The following ADARB2 variants were observed in gnomAD, a reference collection of about 807,000 sequenced individuals.
ADARB2 encodes adenosine deaminase RNA specific B2 (inactive).
ADARB2 carries 25 observed loss-of-function variants against 62.2 expected under a neutral mutation model. That is an observed-to-expected ratio of 0.40 (90% CI 0.29 to 0.56). The LOEUF is 0.56. ADARB2 is among the 20% of genes least tolerant of loss of function. The probability of loss-of-function intolerance (pLI) is 0.43; values close to 1 mark genes in which losing one functional copy is unlikely to be tolerated. For missense variants in ADARB2, 1,071 were observed against 1,077.4 expected (o/e 0.99, Z 0.08); for synonymous variants, 572 against 500.8 (o/e 1.14, Z -1.90).
intron 3 of ADARB2, among the ~76,000 whole-genome samples, chr10:1,357,196 T>C (rs1832204120): frequency 6.6e-6 from 1 of 152,218 alleles, no homozygotes; most frequent in Non-Finnish European, 1.5e-5. Context: ...CCATTCGATT[T>C]ATTCACAAAG....
At chr10:1,717,527 TCTTTCCTTCCTTC>T (rs143185674) in intron 1 of ADARB2, among the ~76,000 whole-genome samples, 14,892 of 151,102 alleles carry the variant, frequency 0.099, 895 homozygotes, top group Admixed American at 0.19. Context: ...CTCTTTCCTT[TCTTTCCTTCCTTC>T]CTTTCCTTTT....
Position 1,262,178 on chromosome 10 carries a change from A to G in ADARB2, c.1192+8777T>C, listed in dbSNP as rs959169635. ...GAGGGGGGAGGGATAGCATTGGGAG[A>G]TATACCTAATGCTAGATGACGAGTT... On this transcript the variant is annotated intron_variant, in intron 4 of 9. Transcript: ENST00000381312. Among the ~76,000 whole-genome samples the G allele has an allele frequency of 1.9e-4, 28 of 143,738 alleles. 1 individual carries two copies. The highest frequency in any genetic ancestry group is 3.6e-4 in the Non-Finnish European group (24 of 66,750). 94.3% of individuals were successfully genotyped at this position (143,738 alleles called of 152,430 possible). A position where few individuals can be genotyped will look rare whatever the true frequency, so the allele number is the denominator to read the frequency against.
intron 7 of ADARB2, among the ~76,000 whole-genome samples, chr10:1,215,177 C>T (rs1387879173): frequency 6.6e-6 from 1 of 152,242 alleles, no homozygotes; most frequent in African/African-American, 2.4e-5. Flanking sequence ...GGGCCCAGCA[C>T]TCGGGCTTAG....
chr10:1,582,699 T>C (rs1303147191), intron 1 of ADARB2, among the ~76,000 whole-genome samples: 2 of 152,258 alleles, frequency 1.3e-5, no homozygotes, highest in Admixed American at 1.3e-4. Flanking sequence ...CTAACACTAG[T>C]GCAAATGCTA....
intron 1 of ADARB2, among the ~76,000 whole-genome samples, chr10:1,536,105 C>A (rs1012188532): frequency 6.6e-6 from 1 of 152,124 alleles, no homozygotes; most frequent in African/African-American, 2.4e-5. Flanking sequence ...CAGGGTGGGT[C>A]CAACCCTGTG....
chr10:1,513,322 G>A (rs1012712440), intron 1 of ADARB2, among the ~76,000 whole-genome samples: 2 of 152,218 alleles, frequency 1.3e-5, no homozygotes, highest in African/African-American at 4.8e-5. Context: ...GCTCCTTGAA[G>A]ACCCTCAGTG....
intron 3 of ADARB2, among the ~76,000 whole-genome samples, chr10:1,325,837 A>T (rs1252192586): frequency 6.6e-6 from 1 of 152,202 alleles, no homozygotes; most frequent in Non-Finnish European, 1.5e-5. Context: ...GACTGCCATT[A>T]GAATATCCGC....
chr10:1,484,887 T>C (rs1831521563), intron 1 of ADARB2, among the ~76,000 whole-genome samples: 1 of 152,094 alleles, frequency 6.6e-6, no homozygotes, highest in South Asian at 2.1e-4. Flanking sequence ...GCTATGTAGG[T>C]GGATTTGTAG....
chr10:1,717,427 A>G (rs1269751129), intron 1 of ADARB2, among the ~76,000 whole-genome samples: 5 of 149,780 alleles, frequency 3.3e-5, no homozygotes, highest in African/African-American at 1.2e-4. Flanking sequence ...TCACTCTCAG[A>G]CCCTGCGCGA....
intron 1 of ADARB2, among the ~76,000 whole-genome samples, chr10:1,634,443 T>A (rs957777177): frequency 1.3e-5 from 2 of 152,174 alleles, no homozygotes; most frequent in African/African-American, 4.8e-5. Context: ...CCAGGGACCA[T>A]CTGAGCTGAG....
At chr10:1,208,633 G>A (rs1243606308) in intron 7 of ADARB2, among the ~76,000 whole-genome samples, 5 of 152,250 alleles carry the variant, frequency 3.3e-5, no homozygotes, top group Non-Finnish European at 4.4e-5. Flanking sequence ...TGGACCCCCA[G>A]TGGGCCTGGC....
chr10:1,227,024 C>T (rs563268314), intron 6 of ADARB2, among the ~76,000 whole-genome samples: 1 of 152,374 alleles, frequency 6.6e-6, no homozygotes, highest in Non-Finnish European at 1.5e-5. Context: ...GGCAGGCAGG[C>T]CTCCTTAAGC....
intron 1 of ADARB2, among the ~76,000 whole-genome samples, chr10:1,716,281 C>T (rs534395505): frequency 1.8e-4 from 28 of 152,316 alleles, no homozygotes; most frequent in African/African-American, 6.5e-4. Context: ...CTCTGAAGAG[C>T]CAGAAAATGA....
chr10:1,485,683 G>A (rs973747295), intron 1 of ADARB2, among the ~76,000 whole-genome samples: 10 of 152,174 alleles, frequency 6.6e-5, no homozygotes, highest in Non-Finnish European at 1.0e-4. Flanking sequence ...ACGTGCCCCG[G>A]TGGGATGGAA....
At chr10:1,688,411 C>T (rs1834624534) in intron 1 of ADARB2, among the ~76,000 whole-genome samples, 1 of 152,226 alleles carries the variant, frequency 6.6e-6, no homozygotes, top group African/African-American at 2.4e-5. Flanking sequence ...AAGCTCCAGA[C>T]CTTGGGATGG....
intron 1 of ADARB2, among the ~76,000 whole-genome samples, chr10:1,428,334 T>TATCTCGGTGCACCCA (rs1194176482): frequency 6.6e-6 from 1 of 150,672 alleles, no homozygotes; most frequent in Non-Finnish European, 1.5e-5. Flanking sequence ...TCACCCAGGC[T>TATCTCGGTGCACCCA]GGAGTGCAGT....
At chr10:1,609,117 T>C (rs1055197032) in intron 1 of ADARB2, among the ~76,000 whole-genome samples, 10 of 152,168 alleles carry the variant, frequency 6.6e-5, no homozygotes, top group African/African-American at 2.4e-4. Flanking sequence ...TGGCCTTTGG[T>C]CCCCTTTCAG....
intron 1 of ADARB2, among the ~76,000 whole-genome samples, chr10:1,396,077 AC>A (rs1482057883): frequency 6.6e-6 from 1 of 152,334 alleles, no homozygotes; most frequent in African/African-American, 2.4e-5. Context: ...ATTCTAGTTA[AC>A]TGGAAAGCGA....
At chr10:1,242,328 GTGGCCCA>G in intron 4 of ADARB2, 29 bp from the exon 5 acceptor site, 1 of 1,518,084 alleles carries the variant, frequency 6.6e-7, no homozygotes, top group Non-Finnish European at 8.9e-7. Flanking sequence ...TCAGAGCAGC[GTGGCCCA>G]CGGCCCCCGT....
Sources: allele counts gnomAD v4.1 joint callset (sites outside exome capture counted in the v4.1 genomes callset), GRCh38; gene constraint gnomAD v4.1.1; transcripts MANE v1.5; gene names NCBI Gene and HGNC (gene_info 2026-07-23, HGNC 2026-07-21).